THADA: variants seen among roughly 807,000 people sequenced by gnomAD.
The protein encoded by THADA is tRNA (32-2'-O)-methyltransferase regulator THADA.
A neutral mutation model predicts 219.8 loss-of-function variants in THADA; 213 were observed. The observed-to-expected ratio is 0.97, with a 90% CI of 0.87 to 1.09. The LOEUF (loss-of-function observed/expected upper bound fraction) is 1.09, where lower values mean the gene tolerates loss of function less well. THADA is among the 50% of genes least tolerant of loss of function. The pLI is 0.00. For synonymous variants in THADA, 1,018 were observed against 828.9 expected (o/e 1.23, Z -3.92); for missense variants, 2,956 against 2,311.3 (o/e 1.28, Z -5.72).
At chr2:43,261,137 A>G (rs1670887009) in intron 36 of THADA, among the ~76,000 whole-genome samples, 1 of 151,114 alleles carries the variant, frequency 6.6e-6, no homozygotes, top group Non-Finnish European at 1.5e-5. Flanking sequence ...TTTTTGTCTT[A>G]AATTTGTTTG....
At chr2:43,370,360 C>A (rs1408421445) in intron 29 of THADA, among the ~76,000 whole-genome samples, 1 of 152,310 alleles carries the variant, frequency 6.6e-6, no homozygotes. Context: ...GGAGAGATCT[C>A]AGAGTTAATG....
chr2:43,392,589 A>G (rs1231139820), intron 29 of THADA, among the ~76,000 whole-genome samples: 1 of 152,008 alleles, frequency 6.6e-6, no homozygotes, highest in Non-Finnish European at 1.5e-5. Flanking sequence ...AGTCTACTCC[A>G]GTTTCGGTCT....
At chr2:43,585,346 CAA>C (rs34682195) in intron 7 of THADA, among the ~76,000 whole-genome samples, 41,588 of 94,674 alleles carry the variant, frequency 0.44, 6,487 homozygotes, top group African/African-American at 0.53. Flanking sequence ...CTCATTCCTA[CAA>C]AAAAAAAAAA....
At chr2:43,350,948 C>G (rs943955111) in intron 29 of THADA, among the ~76,000 whole-genome samples, 3 of 152,186 alleles carry the variant, frequency 2.0e-5, no homozygotes, top group Non-Finnish European at 4.4e-5. Context: ...GAGAGAATCA[C>G]AGGAAACAGG....
chr2:43,333,171 G>A (rs1364164496), intron 30 of THADA: 1 of 152,156 alleles, frequency 6.6e-6, no homozygotes, highest in African/African-American at 2.4e-5. Context: ...CCACTGGCTT[G>A]GGTTGAAATA....
intron 36 of THADA, among the ~76,000 whole-genome samples, chr2:43,271,153 G>A (rs957377609): frequency 6.6e-6 from 1 of 152,182 alleles, no homozygotes; most frequent in Non-Finnish European, 1.5e-5. Context: ...TCCCAGGGCC[G>A]GCCCTGTGCT....
At chr2:43,557,615 C>G (rs545097879) in intron 16 of THADA, among the ~76,000 whole-genome samples, 2 of 152,312 alleles carry the variant, frequency 1.3e-5, no homozygotes, top group Admixed American at 6.5e-5. Flanking sequence ...GAACAAAGGA[C>G]AGTTTGCTGT....
chr2:43,366,850 T>C (rs947254098), intron 29 of THADA, among the ~76,000 whole-genome samples: 12 of 152,198 alleles, frequency 7.9e-5, no homozygotes, highest in Non-Finnish European at 7.4e-5. Flanking sequence ...TGTACAGCAT[T>C]GATCATGTAC....
At chr2:43,513,237 AT>A (rs1180226451) in intron 22 of THADA, among the ~76,000 whole-genome samples, 1 of 152,216 alleles carries the variant, frequency 6.6e-6, no homozygotes, top group Non-Finnish European at 1.5e-5. Context: ...TTCAATTGAA[AT>A]GATAGAGATG....
chr2:43,384,391 C>T (rs1672394147), intron 29 of THADA, among the ~76,000 whole-genome samples: 2 of 152,144 alleles, frequency 1.3e-5, no homozygotes, highest in Non-Finnish European at 2.9e-5. Flanking sequence ...TCATTTTCTT[C>T]AGAAACCTAC....
At position 43,574,602 on chromosome 2, in the gene THADA, T is replaced by C; in HGVS notation, c.1463A>G (p.Gln488Arg). ...PSQILEVMGD[Q>R]SLVPYASDLL... The stretch of plus-strand genomic sequence containing the variant: ...GTCACTTGCATAAGGTACCAATGAC[T>C]GGTCTCCCATCACCTCTAAGATTTG... Residue 488 changes from glutamine (Q) to arginine (R), a missense_variant, in exon 11 of 38, where the codon CAG (glutamine) becomes CGG (arginine). Gln to Arg is a conservative substitution (Grantham distance 43). Transcript: ENST00000405975. The C allele has an allele frequency of 6.2e-7, 1 of 1,614,014 alleles. No homozygotes were observed. The highest frequency in any genetic ancestry group is 8.5e-7 in the Non-Finnish European group (1 of 1,179,896).
intron 28 of THADA, among the ~76,000 whole-genome samples, chr2:43,424,245 C>T (rs1328889492): frequency 6.6e-6 from 1 of 152,110 alleles, no homozygotes; most frequent in Non-Finnish European, 1.5e-5. Flanking sequence ...CAGGTAAGTA[C>T]ACATAAATCA....
chr2:43,508,615 T>A (rs1308569495), intron 23 of THADA, 33 bp downstream of exon 23: 1 of 1,602,718 alleles, frequency 6.2e-7, no homozygotes, highest in South Asian at 1.1e-5. Flanking sequence ...AAGACAAATA[T>A]AAACAAACAG....
At chr2:43,360,440 A>G (rs1669374057) in intron 29 of THADA, among the ~76,000 whole-genome samples, 1 of 152,214 alleles carries the variant, frequency 6.6e-6, no homozygotes, top group Non-Finnish European at 1.5e-5. Flanking sequence ...ATGACCAATG[A>G]CTACAGGTCC....
intron 26 of THADA, among the ~76,000 whole-genome samples, chr2:43,457,133 TACACACACACACAC>T (rs35803641): frequency 0.019 from 2,440 of 126,234 alleles, 79 homozygotes; most frequent in African/African-American, 0.066. Flanking sequence ...TTAGGATATC[TACACACACACACAC>T]ACACACACAC....
intron 30 of THADA, among the ~76,000 whole-genome samples, 161 bp from the exon 31 acceptor site, chr2:43,320,701 G>A (rs918283021): frequency 1.3e-5 from 2 of 152,184 alleles, no homozygotes; most frequent in Admixed American, 6.5e-5. Flanking sequence ...AAGAAAATAA[G>A]CAACTAATGT....
intron 36 of THADA, among the ~76,000 whole-genome samples, chr2:43,244,130 A>T (rs1364615240): frequency 1.3e-5 from 2 of 152,168 alleles, no homozygotes; most frequent in South Asian, 2.1e-4. Context: ...GGTAAATAAA[A>T]TTTTTCCCCT....
chr2:43,293,948 G>C (rs1675050229), intron 31 of THADA, among the ~76,000 whole-genome samples: 1 of 152,136 alleles, frequency 6.6e-6, no homozygotes, highest in Admixed American at 6.5e-5. Flanking sequence ...TACTTTCTCT[G>C]TTCTGAACTG....
chr2:43,534,941 T>C (rs1267574918), intron 21 of THADA, among the ~76,000 whole-genome samples: 1 of 152,120 alleles, frequency 6.6e-6, no homozygotes, highest in Admixed American at 6.5e-5. Context: ...ACAGTAGCTA[T>C]ACTAGTTTAC....
Sources: allele counts gnomAD v4.1 joint callset (sites outside exome capture counted in the v4.1 genomes callset), GRCh38; gene constraint gnomAD v4.1.1; transcripts MANE v1.5; gene names NCBI Gene and HGNC (gene_info 2026-07-23, HGNC 2026-07-21).